The following IQGAP2 variants were observed in gnomAD, a reference collection of about 807,000 sequenced individuals.
IQGAP2 encodes the protein IQ motif containing GTPase activating protein 2, also known as ras GTPase-activating-like protein IQGAP2.
In IQGAP2, 173 loss-of-function variants were observed where a neutral mutation model predicts 201.3. The observed-to-expected ratio is 0.86, with a 90% CI of 0.76 to 0.98. The LOEUF (loss-of-function observed/expected upper bound fraction) is 0.98. Ranked by LOEUF, IQGAP2 falls within the 50% of genes least tolerant of loss-of-function variation. IQGAP2 has a pLI of 0.00. For missense variants in IQGAP2, 1,687 were observed against 1,864.8 expected (o/e 0.90, Z 1.76); for synonymous variants, 675 against 673.9 (o/e 1.00, Z -0.03).
Position 76,570,589 on chromosome 5 carries a change from C to G in IQGAP2, c.313C>G (p.Leu105Val), listed in dbSNP as rs753736233. The G allele has an allele frequency of 6.2e-7, 1 of 1,612,724 alleles. No homozygotes were observed. The highest frequency in any genetic ancestry group is 8.5e-7 in the Non-Finnish European group (1 of 1,178,852). The change falls in exon 4 of 36, where the codon CTT becomes GTT. Residue 105 changes from leucine (L) to valine (V), a missense_variant. Leu to Val is a conservative substitution (Grantham distance 32). Coordinates refer to ENST00000274364, the MANE Select transcript of IQGAP2 (RefSeq NM_006633.5). Reference sequence around the variant, plus strand: ...CCTATCGTCACTTTAGAAGTCTGGCCTTCATTTTCGACACACAGATAATAC... The same window carrying G: ...CCTATCGTCACTTTAGAAGTCTGGCGTTCATTTTCGACACACAGATAATAC... Reference protein sequence around the residue: ...VEQTRYKKSGLHFRHTDNTVQ... With the variant: ...VEQTRYKKSGVHFRHTDNTVQ...
At chr5:76,530,950 G>T (rs966235908) in intron 2 of IQGAP2, among the ~76,000 whole-genome samples, 1 of 152,224 alleles carries the variant, frequency 6.6e-6, no homozygotes, top group Non-Finnish European at 1.5e-5. Flanking sequence ...GGGGTGTTTT[G>T]TGTGCTAATG....
chr5:76,538,364 G>T (rs1347661623), intron 2 of IQGAP2, among the ~76,000 whole-genome samples: 1 of 140,078 alleles, frequency 7.1e-6, no homozygotes, highest in African/African-American at 2.7e-5. Flanking sequence ...ATCAAGGGGG[G>T]GTAAGGTTTA....
chr5:76,545,569 TTGTGTG>T (rs1743044122), intron 2 of IQGAP2, among the ~76,000 whole-genome samples: 2 of 152,288 alleles, frequency 1.3e-5, no homozygotes, highest in African/African-American at 2.4e-5. Context: ...GGATCTTGTT[TTGTGTG>T]TAAGTATTTT....
intron 20 of IQGAP2, among the ~76,000 whole-genome samples, chr5:76,657,954 A>G (rs1022370316): frequency 2.6e-5 from 4 of 152,184 alleles, no homozygotes; most frequent in Admixed American, 1.3e-4. Flanking sequence ...TGGCTTTTAC[A>G]GTCCTCCCTT....
chr5:76,553,353 G>C (rs1212456770), intron 2 of IQGAP2, among the ~76,000 whole-genome samples: 1 of 152,186 alleles, frequency 6.6e-6, no homozygotes, highest in African/African-American at 2.4e-5. Context: ...AAAGTTCATA[G>C]AACAGGGCAC....
chr5:76,684,020 A>G, intron 30 of IQGAP2, 103 bp downstream of exon 30: 1 of 1,052,640 alleles, frequency 9.5e-7, no homozygotes, highest in Non-Finnish European at 1.3e-6. Context: ...AAGTATGTGA[A>G]CATTGAAATC....
At chr5:76,541,503 G>T (rs141528969) in intron 2 of IQGAP2, among the ~76,000 whole-genome samples, 15 of 152,272 alleles carry the variant, frequency 9.9e-5, no homozygotes, top group Admixed American at 2.6e-4. Flanking sequence ...TGGGGTGCAG[G>T]TATATATTTG....
In IQGAP2 at chr5:76,611,174, G is replaced by A; in HGVS notation, c.1512G>A (p.Gln504=). ...YQDVLYHAKS[Q]KLGDSESVSK... ...ATGTTTTATACCATGCTAAATCACAGAAACTCGGAGTAAGTTTTAGTATAT... is the reference window on the plus strand; with the variant it reads ...ATGTTTTATACCATGCTAAATCACAAAAACTCGGAGTAAGTTTTAGTATAT... Residue 504 remains glutamine (Q), a synonymous_variant, in exon 13 of 36, where the codon CAG becomes CAA. Transcript: ENST00000274364. 2 of 1,607,894 alleles carry A rather than the reference G, an allele frequency of 1.2e-6. No individual in the cohort carries two copies. Among genetic ancestry groups the A allele is most frequent in the Non-Finnish European group, 1.7e-6 (2 of 1,178,142 alleles).
At chr5:76,579,836 T>C (rs1447204148) in intron 5 of IQGAP2, among the ~76,000 whole-genome samples, 1 of 152,182 alleles carries the variant, frequency 6.6e-6, no homozygotes, top group Non-Finnish European at 1.5e-5. Context: ...ACCCTCTTTC[T>C]ACCCGGTGTT....
At chr5:76,706,483 G>C (rs541751978) in intron 35 of IQGAP2, among the ~76,000 whole-genome samples, 1 of 152,130 alleles carries the variant, frequency 6.6e-6, no homozygotes, top group Admixed American at 6.5e-5. Context: ...GAGTAGCTGG[G>C]ATTACAAGTG....
At chr5:76,412,464 C>T (rs751641026) in intron 1 of IQGAP2, among the ~76,000 whole-genome samples, 8 of 152,162 alleles carry the variant, frequency 5.3e-5, no homozygotes, top group African/African-American at 9.7e-5. Flanking sequence ...CCATGCCTGA[C>T]ATAGTTCCTG....
chr5:76,414,129 A>G (rs764467933), intron 1 of IQGAP2, among the ~76,000 whole-genome samples: 1 of 152,242 alleles, frequency 6.6e-6, no homozygotes, highest in Non-Finnish European at 1.5e-5. Context: ...TACTTTTCAT[A>G]GAAGATGTTT....
At chr5:76,686,288 G>A (rs141199053) in intron 30 of IQGAP2, among the ~76,000 whole-genome samples, 267 of 145,100 alleles carry the variant, frequency 1.8e-3, no homozygotes, top group Admixed American at 3.4e-3. Flanking sequence ...GTCCTTTTCC[G>A]CACAAATGTT....
rs560666705 is a variant in IQGAP2 at position 76,591,265 on chromosome 5, T to C, written c.819+679T>C. Among the ~76,000 whole-genome samples, 6 of 152,272 alleles carry C rather than the reference T, an allele frequency of 3.9e-5. No individual in the cohort carries two copies. The East Asian group carries it at 1.2e-3, about 29-fold the overall frequency. ...GCCAAGTTACTTTTACATTTGGTAG[T>C]AGAGGTTAATAATTCAGTGTGGTGA... On this transcript the variant is annotated intron_variant, in intron 8 of 35. Transcript: ENST00000274364.
chr5:76,600,928 C>T lies in IQGAP2; in HGVS notation c.1188C>T (p.Ser396=). The T allele has an allele frequency of 1.9e-6, 3 of 1,614,108 alleles. No homozygotes were observed. The highest frequency in any genetic ancestry group is 2.5e-6 in the Non-Finnish European group (3 of 1,179,978). The part of the protein sequence containing the change: ...DLVSVQNQLR[S]PAIGLNNLDK... The stretch of plus-strand genomic sequence containing the variant: ...TGTCTGTGCAGAATCAACTCAGAAG[C>T]CCCGCAATAGGCTTAAACAATCTGG... The change falls in exon 11 of 36, where the codon AGC becomes AGT. Residue 396 remains serine, a synonymous_variant. Transcript: ENST00000274364.
At chr5:76,475,397 G>C (rs143008811) in intron 2 of IQGAP2, among the ~76,000 whole-genome samples, 2,521 of 152,330 alleles carry the variant, frequency 0.017, 28 homozygotes, top group Non-Finnish European at 0.027. Context: ...CTCTGACCAA[G>C]TCATAGGTGT....
At chr5:76,563,106 C>A (rs1184113778) in intron 3 of IQGAP2, among the ~76,000 whole-genome samples, 1 of 152,134 alleles carries the variant, frequency 6.6e-6, no homozygotes, top group Non-Finnish European at 1.5e-5. Context: ...AGCTCTTGCC[C>A]ATAATCCCAA....
intron 2 of IQGAP2, among the ~76,000 whole-genome samples, chr5:76,548,738 G>A (rs969728716): frequency 6.6e-6 from 1 of 152,228 alleles, no homozygotes; most frequent in Non-Finnish European, 1.5e-5. Flanking sequence ...CTAAGTGCTA[G>A]TCCATGTGCT....
At chr5:76,562,006 C>T (rs926982633) in intron 2 of IQGAP2, among the ~76,000 whole-genome samples, 6 of 152,126 alleles carry the variant, frequency 3.9e-5, no homozygotes, top group African/African-American at 1.4e-4. Flanking sequence ...AGGCACAGAC[C>T]GTATAAGAAT....
Sources: gnomAD v4.1 joint callset for allele counts (sites outside exome capture counted in the v4.1 genomes callset) on GRCh38, gnomAD v4.1.1 for gene constraint, MANE v1.5 for transcripts, NCBI Gene and HGNC (gene_info 2026-07-23, HGNC 2026-07-21) for gene names.